SAP30BP: variants seen among roughly 807,000 people sequenced by gnomAD.
SAP30BP encodes the protein SAP30-binding protein.
A neutral mutation model predicts 46.3 loss-of-function variants in SAP30BP; 31 were observed. That is an observed-to-expected ratio of 0.67 (90% CI 0.50 to 0.90). SAP30BP has a LOEUF of 0.90. SAP30BP is among the 40% of genes least tolerant of loss of function. The pLI is 0.00. For missense variants in SAP30BP, 312 were observed against 391.0 expected (o/e 0.80, Z 1.70); for synonymous variants, 169 against 144.2 (o/e 1.17, Z -1.23).
At chr17:75,687,007 A>G (rs1454473349) in intron 3 of SAP30BP, among the ~76,000 whole-genome samples, 3 of 152,174 alleles carry the variant, frequency 2.0e-5, no homozygotes, top group Admixed American at 6.5e-5. Flanking sequence ...TGTTTTGACT[A>G]TTACTTTGAT....
rs773183461 is a variant in SAP30BP, at chr17:75,703,375, C to T, written c.549+4C>T. 3.2e-5 allele frequency: 52 copies of T among 1,613,286 alleles called. No individual in the cohort carries two copies. Among genetic ancestry groups the T allele is most frequent in the Non-Finnish European group, 4.1e-5 (48 of 1,179,596 alleles). On this transcript the variant is annotated splice_donor_region_variant and intron_variant, in intron 7 of 10. Coordinates refer to ENST00000584667, the MANE Select transcript of SAP30BP (RefSeq NM_013260.8). ...GCTTGGCACCAACTACCCAAAGGTG[C>T]GTCTGGCACACGGGGCTGGAGGGTG...
rs2060494160 is a variant in SAP30BP, at chr17:75,706,160, CGACA to C, written c.745+74_745+77del. 3.8e-6 allele frequency: 6 copies of C among 1,573,940 alleles called. No individual in the cohort carries two copies. The highest frequency in any genetic ancestry group is 1.3e-5 in the African/African-American group (1 of 74,318). On this transcript the variant is annotated intron_variant, in intron 10 of 10. Transcript: ENST00000584667. The surrounding 1 kb of genome is among the most constrained non-coding windows in gnomAD (Gnocchi z 4.6). ...CCAGGGTCTCCCTGGCTTGTTTGGGCGACAGACAGCACGTGGATCTGGGCCTGGG... is the reference window on the plus strand; with the variant it reads ...CCAGGGTCTCCCTGGCTTGTTTGGGCGACAGCACGTGGATCTGGGCCTGGG...
At chr17:75,703,918 C>A in intron 8 of SAP30BP, 59 bp downstream of exon 8, 2 of 1,245,702 alleles carry the variant, frequency 1.6e-6, no homozygotes, top group Non-Finnish European at 2.4e-6. Flanking sequence ...TCCCTTTATC[C>A]AGTCAGTTGG....
chr17:75,705,275 G>A (rs988467379), intron 9 of SAP30BP: 1 of 181,338 alleles, frequency 5.5e-6, no homozygotes, highest in Non-Finnish European at 1.2e-5. Context: ...AGTGTGGTCT[G>A]GGTTCTTCAG....
At chr17:75,693,693 T>C (rs965115320) in intron 4 of SAP30BP, among the ~76,000 whole-genome samples, 4 of 152,206 alleles carry the variant, frequency 2.6e-5, no homozygotes, top group African/African-American at 9.7e-5. Flanking sequence ...ATTTGTGGTG[T>C]GTTTTAATGG....
At chr17:75,687,904 T>A (rs1185659400) in intron 3 of SAP30BP, among the ~76,000 whole-genome samples, 1 of 148,114 alleles carries the variant, frequency 6.8e-6, no homozygotes, top group Non-Finnish European at 1.5e-5. Context: ...GAAGACAAAC[T>A]GACAGTGTTT....
intron 6 of SAP30BP, 164 bp downstream of exon 6, chr17:75,702,735 G>T: frequency 2.2e-6 from 1 of 452,762 alleles, no homozygotes; most frequent in African/African-American, 2.0e-5. Flanking sequence ...TGCTAACCCA[G>T]CCAGAGGCTT....
chr17:75,703,359 C>T lies in SAP30BP; in HGVS notation c.537C>T (p.Thr179=). 6.2e-7 allele frequency: 1 copy of T among 1,613,978 alleles called. No homozygotes were observed. Among genetic ancestry groups the T allele is most frequent in the Non-Finnish European group, 8.5e-7 (1 of 1,179,944 alleles). The change falls in exon 7 of 11, where the codon ACC becomes ACT. Residue 179 remains threonine (T), a synonymous_variant. Coordinates refer to ENST00000584667, the MANE Select transcript of SAP30BP (RefSeq NM_013260.8). The part of the protein sequence containing the change: ...IQFCAIDELG[T]NYPKDMFDPH... ...TCTGTGCCATTGACGAGCTTGGCAC[C>T]AACTACCCAAAGGTGCGTCTGGCAC...
In SAP30BP at chr17:75,707,230, A is replaced by C. The variant is rs1054985416; in HGVS notation, c.*709A>C. The C allele has an allele frequency of 1.3e-5, 2 of 152,586 alleles. No individual in the cohort carries two copies. The highest frequency in any genetic ancestry group is 3.9e-4 in the East Asian group (2 of 5,184). The allele number at this position is 152,586 out of a possible 1,614,324, so 9.5% of individuals were successfully genotyped here. A position where few individuals can be genotyped will look rare whatever the true frequency, so the allele number is the denominator to read the frequency against. ...CAGTCCTTTGGTGCCCGGTGAGCGC[A>C]GCCAGCAGGAGCTGAGCAGCGGGGG... On this transcript the variant is annotated 3_prime_UTR_variant, in exon 11 of 11. Coordinates refer to ENST00000584667, the MANE Select transcript of SAP30BP (RefSeq NM_013260.8).
intron 3 of SAP30BP, among the ~76,000 whole-genome samples, chr17:75,678,616 G>T (rs1240195586): frequency 6.6e-6 from 1 of 152,256 alleles, no homozygotes; most frequent in South Asian, 2.1e-4. Context: ...ATCACTTCCA[G>T]TTCCACCTGT....
rs780883544 is a variant in SAP30BP at position 75,703,296 on chromosome 17, G to C, written c.489-15G>C. ...GTGGACTTGTGCCTGCTCAGCGCCG[G>C]CACTGTTCTTTCAGCATCTACGAGA... On this transcript the variant is annotated splice_polypyrimidine_tract_variant and intron_variant, in intron 6 of 10. Coordinates refer to ENST00000584667, the MANE Select transcript of SAP30BP (RefSeq NM_013260.8). 6.2e-7 allele frequency: 1 copy of C among 1,613,866 alleles called. No individual in the cohort carries two copies. Among genetic ancestry groups the C allele is most frequent in the Admixed American group, 1.7e-5 (1 of 60,018 alleles).
intron 3 of SAP30BP, chr17:75,691,838 C>A: frequency 4.0e-6 from 1 of 249,952 alleles, no homozygotes. Context: ...TTTACAGTCC[C>A]ATGTATTGTT....
At chr17:75,692,348 G>T (rs62090776) in intron 3 of SAP30BP, 82,946 of 985,386 alleles carry the variant, frequency 0.084, 3,804 homozygotes, top group Non-Finnish European at 0.092. Context: ...AGGTCTTGTT[G>T]CAGGGTCTTC....
At chr17:75,692,968 T>C (rs1320889837) in intron 3 of SAP30BP, 1 of 153,198 alleles carries the variant, frequency 6.5e-6, no homozygotes, top group Admixed American at 6.5e-5. Flanking sequence ...GAGCAGCTAG[T>C]CTGCATTTTC....
intron 3 of SAP30BP, among the ~76,000 whole-genome samples, chr17:75,677,891 G>A (rs191306739): frequency 2.0e-5 from 3 of 151,828 alleles, no homozygotes; most frequent in African/African-American, 7.2e-5. Flanking sequence ...GACTTAAAAC[G>A]GTTTTGACTT....
chr17:75,684,286 G>A (rs1568308320), intron 3 of SAP30BP, among the ~76,000 whole-genome samples: 1 of 152,172 alleles, frequency 6.6e-6, no homozygotes, highest in African/African-American at 2.4e-5. Context: ...AATAGTGTAG[G>A]TTAGCTTGTA....
At position 75,667,476 on chromosome 17, in the gene SAP30BP, CT is replaced by C; in HGVS notation, c.105del (p.Glu36ArgfsTer19). The C allele has an allele frequency of 1.9e-6, 3 of 1,613,986 alleles. No homozygotes were observed. The highest frequency in any genetic ancestry group is 2.5e-6 in the Non-Finnish European group (3 of 1,179,950). ...EAGIEAVGSA[A>X]EEKGGLVSDA... ...GGAATCGAGGCGGTGGGCAGCGCGG[CT>C]GGTAAGGCCCAAGTGCGAAGCTGGA... On this transcript the variant is annotated frameshift_variant and splice_region_variant, in exon 1 of 11. Transcript: ENST00000584667. LOFTEE classifies it high-confidence loss of function.
chr17:75,682,449 T>TGCTGGGATTACAAGCGTGA (rs2060091505), intron 3 of SAP30BP, among the ~76,000 whole-genome samples: 1 of 152,068 alleles, frequency 6.6e-6, no homozygotes. Context: ...CCTCCCAAAG[T>TGCTGGGATTACAAGCGTGA]GCTGGGATTA....
chr17:75,704,544 C>T (rs558311722), intron 8 of SAP30BP, among the ~76,000 whole-genome samples: 3 of 152,322 alleles, frequency 2.0e-5, no homozygotes, highest in South Asian at 2.1e-4. Flanking sequence ...CTGACCCTTC[C>T]GGGCACACAC....
Sources: gnomAD v4.1 joint callset for allele counts (sites outside exome capture counted in the v4.1 genomes callset) on GRCh38, gnomAD v4.1.1 for gene constraint, Gnocchi (gnomAD v3.1) non-coding constraint, MANE v1.5 for transcripts, NCBI Gene and HGNC (gene_info 2026-07-23, HGNC 2026-07-21) for gene names.